The following ACTR3C variants were observed in gnomAD, a reference collection of about 807,000 sequenced individuals.
ACTR3C encodes actin related protein 3C, also known as actin-related protein 3C.
Under a neutral mutation model 26.3 loss-of-function variants are expected in ACTR3C, and 18 were observed. The ratio of observed to expected loss-of-function variants is 0.68; its 90% CI spans 0.47 to 1.01. The LOEUF (loss-of-function observed/expected upper bound fraction) is 1.01. ACTR3C is among the 50% of genes least tolerant of loss of function. The pLI is 0.00. For missense variants in ACTR3C, 184 were observed against 250.7 expected (o/e 0.73, Z 1.80); for synonymous variants, 55 against 94.5 (o/e 0.58, Z 2.42).
chr7:150,237,349 T>C, the ACTR3C span, among the ~76,000 whole-genome samples: 1 of 152,152 alleles, frequency 6.6e-6, no homozygotes, highest in African/African-American at 2.4e-5. Context: ...CCTGTCTGGG[T>C]GTATGGCAGC....
At chr7:150,240,959 A>G (rs547780220), downstream of ACTR3C, among the ~76,000 whole-genome samples, 2 of 152,334 alleles carry the variant, frequency 1.3e-5, no homozygotes, top group East Asian at 3.9e-4. Context: ...AAAGCATCAA[A>G]ATAGCATAAA....
At chr7:150,201,928 T>A in the ACTR3C span, among the ~76,000 whole-genome samples, 1 of 152,176 alleles carries the variant, frequency 6.6e-6, no homozygotes, top group Non-Finnish European at 1.5e-5. Flanking sequence ...TTTTCTGCTC[T>A]TCTTGGTAAG....
the ACTR3C span, among the ~76,000 whole-genome samples, chr7:150,071,159 T>A: frequency 1.5e-4 from 23 of 151,648 alleles, no homozygotes; most frequent in East Asian, 1.6e-3. Flanking sequence ...AGTCTCGCTC[T>A]GTCACCCAGG....
the ACTR3C span, among the ~76,000 whole-genome samples, chr7:149,901,775 A>G: frequency 7.2e-5 from 11 of 151,964 alleles, no homozygotes; most frequent in Admixed American, 7.2e-4. Context: ...TCAGCCAGGC[A>G]TGGTGGCACA....
chr7:149,958,304 A>G, the ACTR3C span, among the ~76,000 whole-genome samples: 1,079 of 152,154 alleles, frequency 7.1e-3, 13 homozygotes, highest in African/African-American at 0.024. Flanking sequence ...TACACAGAAT[A>G]AATATTGAGT....
the ACTR3C span, among the ~76,000 whole-genome samples, chr7:149,944,893 T>C: frequency 3.3e-5 from 5 of 150,976 alleles, no homozygotes; most frequent in Non-Finnish European, 5.9e-5. Flanking sequence ...AAGAACAGGG[T>C]ATAGAGAGGT....
At chr7:150,224,777 G>A in the ACTR3C span, among the ~76,000 whole-genome samples, 1 of 152,168 alleles carries the variant, frequency 6.6e-6, no homozygotes, top group African/African-American at 2.4e-5. Context: ...CTCCTTGAGG[G>A]CAGAGCGTTT....
the ACTR3C span, among the ~76,000 whole-genome samples, chr7:150,039,445 C>G: frequency 2.4e-4 from 11 of 46,428 alleles, 1 homozygote; most frequent in Admixed American, 7.5e-4. Context: ...TGCCTCCCCC[C>G]CTGCGATGGG....
the ACTR3C span, chr7:150,003,202 GTGTT>G: frequency 1.4e-4 from 21 of 152,438 alleles, no homozygotes; most frequent in Admixed American, 1.2e-3. Flanking sequence ...ATGGTATACA[GTGTT>G]TGTGTGTGTG....
At chr7:150,142,563 C>T in the ACTR3C span, among the ~76,000 whole-genome samples, 1 of 152,196 alleles carries the variant, frequency 6.6e-6, no homozygotes, top group Non-Finnish European at 1.5e-5. Context: ...GAGTCTCACT[C>T]CGTCGCCCAG....
the ACTR3C span, among the ~76,000 whole-genome samples, chr7:150,232,234 C>A: frequency 6.6e-6 from 1 of 152,032 alleles, no homozygotes; most frequent in Non-Finnish European, 1.5e-5. Context: ...TTCTTAAAAC[C>A]TTTACTTTTG....
the ACTR3C span, among the ~76,000 whole-genome samples, chr7:150,147,266 T>TGAA: frequency 1.3e-5 from 2 of 152,314 alleles, no homozygotes; most frequent in Admixed American, 1.3e-4. Context: ...TTTTGCCATT[T>TGAA]GAAGAAAAAT....
chr7:150,042,325 C>G, the ACTR3C span, among the ~76,000 whole-genome samples: 5 of 103,398 alleles, frequency 4.8e-5, no homozygotes, highest in East Asian at 2.8e-4. Flanking sequence ...GACTGGCTCT[C>G]AGTCCCTGCC....
the ACTR3C span, among the ~76,000 whole-genome samples, chr7:150,044,278 A>C: frequency 6.6e-6 from 1 of 152,240 alleles, no homozygotes; most frequent in Non-Finnish European, 1.5e-5. Flanking sequence ...AAATTCCACT[A>C]AAAGTCACTT....
chr7:150,044,037 A>G, the ACTR3C span, among the ~76,000 whole-genome samples: 1 of 152,212 alleles, frequency 6.6e-6, no homozygotes, highest in African/African-American at 2.4e-5. Context: ...AGTTTTAACC[A>G]ATTTGCTGCT....
intron 6 of ACTR3C, among the ~76,000 whole-genome samples, chr7:150,284,341 G>C (rs998258789): frequency 6.6e-6 from 1 of 152,172 alleles, no homozygotes; most frequent in Admixed American, 6.5e-5. Flanking sequence ...AGGAGTTCGA[G>C]ACCAGCCTGG....
downstream of ACTR3C, among the ~76,000 whole-genome samples, chr7:150,243,208 T>A (rs957947649): frequency 5.9e-4 from 90 of 152,274 alleles, no homozygotes; most frequent in African/African-American, 1.9e-3. Context: ...GTGAATTGAT[T>A]GCACTATACT....
At chr7:149,914,179 G>A in the ACTR3C span, among the ~76,000 whole-genome samples, 3 of 150,998 alleles carry the variant, frequency 2.0e-5, no homozygotes, top group South Asian at 2.2e-4. Flanking sequence ...GTGAGCCACC[G>A]AGCCCAGCTA....
At chr7:149,896,943 C>G in the ACTR3C span, among the ~76,000 whole-genome samples, 91 of 151,876 alleles carry the variant, frequency 6.0e-4, no homozygotes, top group Non-Finnish European at 1.1e-3. Flanking sequence ...CACCTATAAT[C>G]CCAGCTACTT....
Sources: allele counts gnomAD v4.1 joint callset (sites outside exome capture counted in the v4.1 genomes callset), GRCh38; gene constraint gnomAD v4.1.1; transcripts MANE v1.5; gene names NCBI Gene and HGNC (gene_info 2026-07-23, HGNC 2026-07-21).